RXYLT1: variants seen among roughly 807,000 people sequenced by gnomAD.
RXYLT1 encodes the protein ribitol-5-phosphate xylosyltransferase 1.
In RXYLT1, 41 loss-of-function variants were observed where a neutral mutation model predicts 43.5. That is an observed-to-expected ratio of 0.94 (90% confidence interval 0.73 to 1.22). The LOEUF is 1.22. Ranked by LOEUF, RXYLT1 falls within the 50% of genes most tolerant of loss-of-function variation. The pLI is 0.00. For synonymous variants in RXYLT1, 166 were observed against 194.4 expected, an observed-to-expected ratio of 0.85 and a Z score of 1.21; for missense variants, 514 against 532.0, an observed-to-expected ratio of 0.97 and a Z score of 0.33.
At position 63,808,826 on chromosome 12, in the gene RXYLT1, G is replaced by A. The variant is rs541352798; in HGVS notation, c.1066G>A (p.Val356Met). 54 of 1,614,118 alleles carry A rather than the reference G, an allele frequency of 3.3e-5. 1 individual carries two copies. The highest frequency in any genetic ancestry group is 1.6e-4 in the Middle Eastern group (1 of 6,062). ...SYGSIPVVEDVMTAGNCGNTS... is the reference protein window; with the variant it reads ...SYGSIPVVEDMMTAGNCGNTS... ...TGGCTCCATTCCTGTGGTGGAAGACGTGATGACAGCTGGCAACTGTGGGAA... is the reference window on the plus strand; with the variant it reads ...TGGCTCCATTCCTGTGGTGGAAGACATGATGACAGCTGGCAACTGTGGGAA... The change falls in exon 6 of 6, where the codon GTG becomes ATG. Residue 356 changes from valine to methionine, a missense_variant. Coordinates refer to ENST00000261234, the MANE Select transcript of RXYLT1 (RefSeq NM_014254.3).
At chr12:63,798,485 T>A (rs1291710020) in intron 3 of RXYLT1, among the ~76,000 whole-genome samples, 6 of 152,226 alleles carry the variant, frequency 3.9e-5, no homozygotes, top group Non-Finnish European at 8.8e-5. Context: ...GGTATCTGAA[T>A]CAAATGAAAT....
chr12:63,799,076 T>C (rs1898097407), intron 3 of RXYLT1, among the ~76,000 whole-genome samples: 1 of 152,196 alleles, frequency 6.6e-6, no homozygotes, highest in African/African-American at 2.4e-5. Context: ...CTTCGCAGTA[T>C]TGACCCCATG....
chr12:63,780,130 G>C lies in RXYLT1; in HGVS notation c.169+1G>C. On this transcript the variant is annotated splice_donor_variant, in intron 1 of 5. Coordinates refer to ENST00000261234, the MANE Select transcript of RXYLT1 (RefSeq NM_014254.3). LOFTEE classifies it high-confidence loss of function. ...CCCGCGCGGGAGAGACGCGGCCGAG[G>C]TAGGACTGGGTCGGCGGCTTCCTTC... 1 of 1,485,566 alleles carries C rather than the reference G, an allele frequency of 6.7e-7. No individual in the cohort carries two copies. The allele number at this position is 1,485,566 out of a possible 1,614,324, so 92.0% of individuals were successfully genotyped here.
At chr12:63,791,061 C>G (rs1052399682) in intron 3 of RXYLT1, among the ~76,000 whole-genome samples, 77 of 152,136 alleles carry the variant, frequency 5.1e-4, no homozygotes, top group African/African-American at 1.8e-3. Flanking sequence ...CGTCATGTAC[C>G]TGCCCACAAA....
intron 5 of RXYLT1, chr12:63,806,997 A>G (rs191333056): frequency 7.9e-5 from 12 of 152,344 alleles, no homozygotes; most frequent in African/African-American, 2.6e-4. Context: ...GACCTCAGCC[A>G]TTCTCTCTCA....
chr12:63,782,103 A>C (rs1446242804), intron 2 of RXYLT1, among the ~76,000 whole-genome samples: 1 of 151,998 alleles, frequency 6.6e-6, no homozygotes. Flanking sequence ...CTCTCTTTTC[A>C]ATCTGATAAG....
rs764386018 is a variant in RXYLT1 at position 63,809,089 on chromosome 12, TTAA to T, written c.1331_*1del. On this transcript the variant is annotated stop_lost and inframe_deletion, in exon 6 of 6. Coordinates refer to ENST00000261234, the MANE Select transcript of RXYLT1 (RefSeq NM_014254.3). ...GCTCATTTTTAATGAATAATAAAAG[TTAA>T]TTATCTTTTTGAGCTAACATGTGAT... 65 of 1,499,842 alleles carry T rather than the reference TTAA, an allele frequency of 4.3e-5. No individual in the cohort carries two copies. Among genetic ancestry groups the T allele is most frequent in the Non-Finnish European group, 5.8e-5 (64 of 1,111,310 alleles). The allele number at this position is 1,499,842 out of a possible 1,614,324, so 92.9% of individuals were successfully genotyped here. A position where few individuals can be genotyped will look rare whatever the true frequency, so the allele number is the denominator to read the frequency against.
At chr12:63,800,565 TG>T (rs1213594325) in intron 3 of RXYLT1, among the ~76,000 whole-genome samples, 11 of 152,110 alleles carry the variant, frequency 7.2e-5, no homozygotes, top group Non-Finnish European at 1.5e-4. Context: ...GCACTTAATA[TG>T]AAAAAAATGA....
Position 63,785,073 on chromosome 12 carries a change from G to A in RXYLT1, c.428+1G>A. 1 of 1,602,396 alleles carries A rather than the reference G, an allele frequency of 6.2e-7. No homozygotes were observed. Among genetic ancestry groups the A allele is most frequent in the Non-Finnish European group, 8.5e-7 (1 of 1,172,650 alleles). On this transcript the variant is annotated splice_donor_variant, in intron 3 of 5. Transcript: ENST00000261234. LOFTEE classifies it high-confidence loss of function. Reference sequence around the variant, plus strand: ...CAATCGTAGGAAGAACACAGTACAGGTATTGGTTGTATTAGTTGTGCAACA... The same window carrying A: ...CAATCGTAGGAAGAACACAGTACAGATATTGGTTGTATTAGTTGTGCAACA...
Position 63,802,072 on chromosome 12 carries a change from G to GTTGTGTTGTTT in RXYLT1, c.429-16_429-6dup. The GTTGTGTTGTTT allele has an allele frequency of 6.4e-7, 1 of 1,551,622 alleles. No individual in the cohort carries two copies. Among genetic ancestry groups the GTTGTGTTGTTT allele is most frequent in the Non-Finnish European group, 8.7e-7 (1 of 1,150,688 alleles). ...CAGGCTTTGTTTGTCTCTTGTTTTT[G>GTTGTGTTGTTT]TTGTGTTGTTTTTAACAGCTTCATC... On this transcript the variant is annotated intron_variant, in intron 3 of 5. Transcript: ENST00000261234.
intron 4 of RXYLT1, chr12:63,804,974 T>C: frequency 2.9e-6 from 1 of 342,586 alleles, no homozygotes; most frequent in South Asian, 8.9e-5. Flanking sequence ...TAATGCAAGT[T>C]AAAGAATGTC....
At chr12:63,781,699 T>A (rs1241079659) in intron 2 of RXYLT1, among the ~76,000 whole-genome samples, 1 of 152,256 alleles carries the variant, frequency 6.6e-6, no homozygotes, top group East Asian at 1.9e-4. Context: ...GCATTTTTGC[T>A]GTGAATATCA....
intron 3 of RXYLT1, among the ~76,000 whole-genome samples, 192 bp from the exon 4 acceptor site, chr12:63,801,899 C>G (rs1383920211): frequency 6.6e-6 from 1 of 152,130 alleles, no homozygotes; most frequent in Non-Finnish European, 1.5e-5. Flanking sequence ...ACAGCCAAAG[C>G]TTACCATTAA....
At chr12:63,803,570 G>C (rs1188572420) in intron 4 of RXYLT1, 3 of 152,138 alleles carry the variant, frequency 2.0e-5, no homozygotes, top group African/African-American at 4.8e-5. Flanking sequence ...CCAGTAATGA[G>C]ATGTATTCCC....
chr12:63,791,894 G>A (rs1002056127), intron 3 of RXYLT1, among the ~76,000 whole-genome samples: 4 of 152,212 alleles, frequency 2.6e-5, no homozygotes, highest in Admixed American at 2.0e-4. Context: ...CTGCAAACTA[G>A]TAATTATAAC....
chr12:63,798,729 A>G (rs1319304639), intron 3 of RXYLT1, among the ~76,000 whole-genome samples: 1 of 152,240 alleles, frequency 6.6e-6, no homozygotes, highest in Admixed American at 6.5e-5. Flanking sequence ...CCGTGATAAA[A>G]TGCACGCACT....
intron 2 of RXYLT1, among the ~76,000 whole-genome samples, chr12:63,782,215 G>A (rs1441820192): frequency 6.6e-6 from 1 of 151,976 alleles, no homozygotes; most frequent in Non-Finnish European, 1.5e-5. Flanking sequence ...TCTAGACACA[G>A]TTATAAAATA....
chr12:63,809,154 G>C lies in RXYLT1; in HGVS notation c.*62G>C, dbSNP rs1898392926. 3 of 1,165,728 alleles carry C rather than the reference G, an allele frequency of 2.6e-6. No homozygotes were observed. The highest frequency in any genetic ancestry group is 3.6e-6 in the Non-Finnish European group (3 of 839,412). The allele number at this position is 1,165,728 out of a possible 1,614,324, so 72.2% of individuals were successfully genotyped here. ...TTTTGACTACTGGGTGTATAAATGT[G>C]TTTGTGTGTGTATGTATTTATAGAT... On this transcript the variant is annotated 3_prime_UTR_variant, in exon 6 of 6. Transcript: ENST00000261234.
intron 3 of RXYLT1, among the ~76,000 whole-genome samples, chr12:63,787,432 AG>A (rs1897828976): frequency 6.6e-6 from 1 of 152,178 alleles, no homozygotes; most frequent in African/African-American, 2.4e-5. Context: ...GTCATCCATG[AG>A]GGTTTAAATC....
Sources: allele counts gnomAD v4.1 joint callset (sites outside exome capture counted in the v4.1 genomes callset), GRCh38; gene constraint gnomAD v4.1.1; transcripts MANE v1.5; gene names NCBI Gene and HGNC (gene_info 2026-07-23, HGNC 2026-07-21).